Variants in GSTCD observed in about 807,000 individuals in gnomAD.
GSTCD encodes glutathione S-transferase C-terminal domain-containing protein.
GSTCD carries 44 observed loss-of-function variants against 68.3 expected under a neutral mutation model. The ratio of observed to expected loss-of-function variants is 0.64; its 90% CI spans 0.51 to 0.83. GSTCD has a LOEUF of 0.83. Ranked by LOEUF, GSTCD falls within the 40% of genes least tolerant of loss-of-function variation. The pLI is 0.00. For synonymous variants in GSTCD, 273 were observed against 255.2 expected (o/e 1.07, Z -0.67); for missense variants, 739 against 735.9 (o/e 1.00, Z -0.05).
chr4:105,812,813 AATG>A (rs1375919160), intron 5 of GSTCD, among the ~76,000 whole-genome samples: 1 of 152,166 alleles, frequency 6.6e-6, no homozygotes, highest in Non-Finnish European at 1.5e-5. Flanking sequence ...AATGTTTAAT[AATG>A]ATGAAAATTT....
intron 5 of GSTCD, among the ~76,000 whole-genome samples, chr4:105,783,445 G>A (rs1735353155): frequency 2.6e-5 from 4 of 152,032 alleles, no homozygotes; most frequent in Admixed American, 2.6e-4. Flanking sequence ...TTATATTAAT[G>A]TAATCTAAAT....
chr4:105,814,404 G>A (rs1722886611), intron 5 of GSTCD, among the ~76,000 whole-genome samples: 1 of 152,162 alleles, frequency 6.6e-6, no homozygotes, highest in Admixed American at 6.5e-5. Context: ...CCTGAGGTCA[G>A]GAGTTCGAGA....
At chr4:105,727,926 T>A (rs1733096124) in intron 4 of GSTCD, among the ~76,000 whole-genome samples, 1 of 152,174 alleles carries the variant, frequency 6.6e-6, no homozygotes, top group Non-Finnish European at 1.5e-5. Flanking sequence ...ATTTCCCTAT[T>A]TGGGTTAGGA....
At chr4:105,770,598 C>T (rs1044726258) in intron 5 of GSTCD, among the ~76,000 whole-genome samples, 4 of 152,140 alleles carry the variant, frequency 2.6e-5, no homozygotes, top group African/African-American at 9.7e-5. Flanking sequence ...ATTCAACTCC[C>T]ACTTATGAGT....
At chr4:105,786,528 C>T (rs1317931890) in intron 5 of GSTCD, among the ~76,000 whole-genome samples, 2 of 138,166 alleles carry the variant, frequency 1.4e-5, no homozygotes, top group African/African-American at 5.5e-5. Flanking sequence ...AGAAAAACAC[C>T]ATCCAAAAAA....
At chr4:105,842,469 A>G (rs910679236) in intron 11 of GSTCD, among the ~76,000 whole-genome samples, 4 of 152,224 alleles carry the variant, frequency 2.6e-5, no homozygotes, top group Non-Finnish European at 5.9e-5. Flanking sequence ...AAAGTCAACT[A>G]TATATACCAA....
Position 105,719,045 on chromosome 4 carries a change from G to A in GSTCD, c.427-15G>A. On this transcript the variant is annotated splice_polypyrimidine_tract_variant and intron_variant, in intron 2 of 11. Transcript: ENST00000515279. ...AAAAAATCTTTTCATTTCTTGTTTT[G>A]TTTTTGTTTTGTAGGTTAGTCAGTG... The A allele has an allele frequency of 6.5e-7, 1 of 1,542,562 alleles. No homozygotes were observed. The highest frequency in any genetic ancestry group is 2.3e-5 in the East Asian group (1 of 44,358).
At chr4:105,709,739 T>C (rs2149199106) in intron 1 of GSTCD, among the ~76,000 whole-genome samples, 1 of 152,332 alleles carries the variant, frequency 6.6e-6, no homozygotes, top group Non-Finnish European at 1.5e-5. Context: ...CCAGCTTTAG[T>C]AATATATTGT....
At chr4:105,795,231 G>C (rs1265442659) in intron 5 of GSTCD, among the ~76,000 whole-genome samples, 1 of 151,922 alleles carries the variant, frequency 6.6e-6, no homozygotes, top group African/African-American at 2.4e-5. Context: ...ATTTTTCCAT[G>C]CTTCTTGTTT....
chr4:105,760,282 A>G (rs1734356323), intron 5 of GSTCD, among the ~76,000 whole-genome samples: 1 of 152,152 alleles, frequency 6.6e-6, no homozygotes, highest in African/African-American at 2.4e-5. Context: ...CTGTGGGAGA[A>G]TCTGCTTCAG....
intron 4 of GSTCD, among the ~76,000 whole-genome samples, chr4:105,727,656 A>G (rs1343951601): frequency 2.6e-5 from 4 of 151,690 alleles, no homozygotes; most frequent in Non-Finnish European, 4.4e-5. Flanking sequence ...TTTTTGTTAC[A>G]TAAAAGCCTG....
chr4:105,719,127 C>A lies in GSTCD; in HGVS notation c.494C>A (p.Ser165Tyr). 6.2e-7 allele frequency: 1 copy of A among 1,614,060 alleles called. No individual in the cohort carries two copies. The highest frequency in any genetic ancestry group is 1.1e-5 in the South Asian group (1 of 91,082). ...PLAIENFLRESSDQPPTIPVE... is the reference protein window; with the variant it reads ...PLAIENFLREYSDQPPTIPVE... Reference sequence around the variant, plus strand: ...GCTATTGAGAATTTTCTCAGAGAATCTTCTGACCAGCCCCCAACTATACCT... The same window carrying A: ...GCTATTGAGAATTTTCTCAGAGAATATTCTGACCAGCCCCCAACTATACCT... Residue 165 changes from serine to tyrosine, a missense_variant, in exon 3 of 12, where the codon TCT becomes TAT. Ser to Tyr is a moderately radical substitution (Grantham distance 144, BLOSUM62 -2). Transcript: ENST00000515279.
intron 5 of GSTCD, among the ~76,000 whole-genome samples, chr4:105,764,372 T>G (rs929244411): frequency 4.6e-5 from 7 of 152,216 alleles, no homozygotes. Flanking sequence ...AATTTGTTCG[T>G]TTATGAGTGG....
At chr4:105,830,369 T>C (rs997370868) in intron 8 of GSTCD, among the ~76,000 whole-genome samples, 1 of 152,066 alleles carries the variant, frequency 6.6e-6, no homozygotes, top group Non-Finnish European at 1.5e-5. Context: ...ACTTCTAATC[T>C]AAAATTCTAT....
At chr4:105,779,455 T>G (rs1243534547) in intron 5 of GSTCD, among the ~76,000 whole-genome samples, 2 of 152,224 alleles carry the variant, frequency 1.3e-5, no homozygotes, top group African/African-American at 4.8e-5. Context: ...TTTTTTAGAA[T>G]GTTTGAAAAC....
At chr4:105,778,919 TTC>T (rs1466399666) in intron 5 of GSTCD, among the ~76,000 whole-genome samples, 1 of 152,126 alleles carries the variant, frequency 6.6e-6, no homozygotes, top group Non-Finnish European at 1.5e-5. Flanking sequence ...CACATACTCA[TTC>T]TCTGTCTGAA....
intron 5 of GSTCD, among the ~76,000 whole-genome samples, chr4:105,775,730 C>T (rs1345042189): frequency 3.3e-5 from 5 of 152,176 alleles, no homozygotes; most frequent in Admixed American, 6.5e-5. Flanking sequence ...AGCTTTGTTC[C>T]GCAGGGGCAC....
intron 5 of GSTCD, among the ~76,000 whole-genome samples, chr4:105,792,274 C>T (rs1290810375): frequency 6.6e-6 from 1 of 152,056 alleles, no homozygotes. Flanking sequence ...TTCAACAAAG[C>T]TGTATTTTCT....
At chr4:105,726,875 T>C (rs924879618) in intron 4 of GSTCD, 45 bp downstream of exon 4, 20 of 1,472,154 alleles carry the variant, frequency 1.4e-5, no homozygotes, top group Middle Eastern at 1.8e-4. Context: ...TATGTGATAA[T>C]ATTGCTGAGC....
Sources: allele counts gnomAD v4.1 joint callset (sites outside exome capture counted in the v4.1 genomes callset), GRCh38; gene constraint gnomAD v4.1.1; transcripts MANE v1.5; gene names NCBI Gene and HGNC (gene_info 2026-07-23, HGNC 2026-07-21).